The following EDNRB variants were observed in gnomAD, a reference collection of about 807,000 sequenced individuals.
EDNRB encodes the protein endothelin receptor type B.
EDNRB carries 18 observed loss-of-function variants against 46.4 expected under a neutral mutation model. That is an observed-to-expected ratio of 0.39 (90% confidence interval 0.27 to 0.57). The LOEUF is 0.57. Ranked by LOEUF, EDNRB falls within the 20% of genes least tolerant of loss-of-function variation. The probability of loss-of-function intolerance (pLI) is 0.61; values close to 1 mark genes in which losing one functional copy is unlikely to be tolerated. For missense variants in EDNRB, 434 were observed against 537.5 expected, an observed-to-expected ratio of 0.81 and a Z score of 1.90; for synonymous variants, 213 against 204.9, an observed-to-expected ratio of 1.04 and a Z score of -0.34.
intron 1 of EDNRB, among the ~76,000 whole-genome samples, chr13:77,959,062 T>C (rs1232792683): frequency 6.6e-6 from 1 of 152,200 alleles, no homozygotes; most frequent in Non-Finnish European, 1.5e-5. Context: ...TATTGAGAGA[T>C]TATAGGCGAT....
intron 1 of EDNRB, among the ~76,000 whole-genome samples, chr13:77,942,578 C>T (rs554159035): frequency 2.6e-4 from 40 of 152,148 alleles, no homozygotes; most frequent in African/African-American, 7.0e-4. Flanking sequence ...ATAAGGGAGA[C>T]GATTTGAATC....
intron 1 of EDNRB, among the ~76,000 whole-genome samples, chr13:77,971,462 C>T (rs1206252840): frequency 1.3e-5 from 2 of 152,092 alleles, no homozygotes; most frequent in Non-Finnish European, 2.9e-5. Context: ...AGGCCACTGG[C>T]CTTGGCCAAG....
In EDNRB at chr13:77,941,772, A is replaced by C. The variant is rs186739477; in HGVS notation, c.-51-23148T>G. ...TTTGGAATCTGTTTGGCACATAATA[A>C]ATATTCACTCAACATTTGTTGAACT... On this transcript the variant is annotated intron_variant, in intron 1 of 7. Transcript: ENST00000646948. 2.0e-5 allele frequency among the ~76,000 whole-genome samples: 3 copies of C among 152,350 alleles called. No homozygotes were observed. The East Asian group carries it at 5.8e-4, about 29-fold the overall frequency.
At chr13:77,966,714 C>T (rs1757409913) in intron 1 of EDNRB, among the ~76,000 whole-genome samples, 1 of 152,158 alleles carries the variant, frequency 6.6e-6, no homozygotes, top group Admixed American at 6.5e-5. Flanking sequence ...ACTCTTTCAA[C>T]ATAGATAAGC....
chr13:77,913,245 A>G (rs145163565), intron 1 of EDNRB, among the ~76,000 whole-genome samples: 2 of 152,268 alleles, frequency 1.3e-5, no homozygotes, highest in South Asian at 2.1e-4. Context: ...TTGACATACC[A>G]GCATTTTAAT....
intron 1 of EDNRB, among the ~76,000 whole-genome samples, chr13:77,959,073 T>G (rs1211581533): frequency 6.6e-6 from 1 of 152,218 alleles, no homozygotes; most frequent in Non-Finnish European, 1.5e-5. Context: ...TATAGGCGAT[T>G]AAAATAGAAC....
At chr13:77,948,553 T>C (rs1355362261) in intron 1 of EDNRB, among the ~76,000 whole-genome samples, 2 of 152,314 alleles carry the variant, frequency 1.3e-5, no homozygotes, top group Middle Eastern at 3.4e-3. Context: ...ATGATGGACA[T>C]TGAGGAGACC....
chr13:77,951,346 C>A (rs898760754), intron 1 of EDNRB, among the ~76,000 whole-genome samples: 1 of 152,146 alleles, frequency 6.6e-6, no homozygotes, highest in Non-Finnish European at 1.5e-5. Flanking sequence ...TAGTGCTTCT[C>A]AATCACACCT....
chr13:77,942,374 C>T (rs1182771762), intron 1 of EDNRB, among the ~76,000 whole-genome samples: 1 of 152,102 alleles, frequency 6.6e-6, no homozygotes, highest in African/African-American at 2.4e-5. Flanking sequence ...CCAGATGAAA[C>T]ATTTTAGAGG....
At chr13:77,953,499 C>A (rs1187843418) in intron 1 of EDNRB, among the ~76,000 whole-genome samples, 1 of 152,064 alleles carries the variant, frequency 6.6e-6, no homozygotes, top group African/African-American at 2.4e-5. Flanking sequence ...TAGCCACCTA[C>A]AACCAGAATG....
chr13:77,966,745 T>C (rs927801038), intron 1 of EDNRB, among the ~76,000 whole-genome samples: 2 of 152,332 alleles, frequency 1.3e-5, no homozygotes, highest in East Asian at 3.9e-4. Flanking sequence ...ATGGGGTTTT[T>C]GCAGAAGTAA....
At chr13:77,927,342 A>T (rs922819235) in intron 1 of EDNRB, among the ~76,000 whole-genome samples, 2 of 152,176 alleles carry the variant, frequency 1.3e-5, no homozygotes, top group Non-Finnish European at 2.9e-5. Context: ...TTCTAGATTA[A>T]CACAGTGACT....
chr13:77,919,157 T>C, upstream of EDNRB: 1 of 541,262 alleles, frequency 1.8e-6, no homozygotes, highest in East Asian at 3.5e-5. Flanking sequence ...CGCCCAGGAG[T>C]GCGCCGGAGA....
chr13:77,897,278 C>T lies in EDNRB; in HGVS notation c.*922G>A, dbSNP rs916367975. On this transcript the variant is annotated 3_prime_UTR_variant, in exon 7 of 7. Coordinates refer to ENST00000646607, the MANE Select transcript of EDNRB (RefSeq NM_001122659.3). ...AGGTAAGTATTTACAGATGACAAAA[C>T]CAAACAGAGTTTAAGCTACGATAGT... 2.0e-6 allele frequency: 2 copies of T among 985,014 alleles called. No individual in the cohort carries two copies. The highest frequency in any genetic ancestry group is 3.5e-5 in the African/African-American group (2 of 57,168). The allele number at this position is 985,014 out of a possible 1,614,324, so 61.0% of individuals were successfully genotyped here.
chr13:77,938,315 A>G (rs780710567), intron 1 of EDNRB, among the ~76,000 whole-genome samples: 1 of 151,784 alleles, frequency 6.6e-6, no homozygotes, highest in Admixed American at 6.6e-5. Context: ...AGGTCACAGC[A>G]GAGAAATAAG....
At chr13:77,927,150 TTC>T (rs1451486429) in intron 1 of EDNRB, among the ~76,000 whole-genome samples, 2 of 152,226 alleles carry the variant, frequency 1.3e-5, no homozygotes, top group Admixed American at 1.3e-4. Flanking sequence ...TCTATTTATC[TTC>T]TCTGGAGAGG....
intron 1 of EDNRB, among the ~76,000 whole-genome samples, chr13:77,971,140 C>G (rs1041949365): frequency 1.3e-5 from 2 of 152,110 alleles, no homozygotes; most frequent in Non-Finnish European, 2.9e-5. Context: ...AGTCCAATAC[C>G]TCTACACAGT....
intron 2 of EDNRB, 51 bp downstream of exon 2, chr13:77,903,444 A>T: frequency 6.2e-7 from 1 of 1,609,818 alleles, no homozygotes; most frequent in Non-Finnish European, 8.5e-7. Flanking sequence ...AGTAACATGG[A>T]AAACAATAGT....
intron 1 of EDNRB, among the ~76,000 whole-genome samples, chr13:77,970,160 G>T (rs1455096951): frequency 2.6e-5 from 4 of 152,142 alleles, no homozygotes. Flanking sequence ...GAACAAAATT[G>T]TATTTATACC....
Sources: gnomAD v4.1 joint callset for allele counts (sites outside exome capture counted in the v4.1 genomes callset) on GRCh38, gnomAD v4.1.1 for gene constraint, MANE v1.5 for transcripts, NCBI Gene and HGNC (gene_info 2026-07-23, HGNC 2026-07-21) for gene names.